Variants in SGCZ observed in about 807,000 individuals in gnomAD.
SGCZ encodes zeta-sarcoglycan.
Under a neutral mutation model 41.3 loss-of-function variants are expected in SGCZ, and 40 were observed. The observed-to-expected ratio is 0.97, with a 90% confidence interval of 0.75 to 1.26. The LOEUF is 1.26. Ranked by LOEUF, SGCZ falls within the 50% of genes most tolerant of loss-of-function variation. The pLI, the probability that SGCZ is intolerant of heterozygous loss-of-function variation, is 0.00. For synonymous variants in SGCZ, 206 were observed against 137.5 expected (o/e 1.50, Z -3.49); for missense variants, 552 against 369.8 (o/e 1.49, Z -4.04).
intron 4 of SGCZ, among the ~76,000 whole-genome samples, chr8:14,231,267 G>A (rs188154586): frequency 1.0e-3 from 158 of 151,380 alleles, no homozygotes; most frequent in African/African-American, 3.5e-3. Context: ...GAGAGAGAGA[G>A]ACAGAGACAG....
chr8:14,273,892 T>TA (rs1423404799), intron 3 of SGCZ, among the ~76,000 whole-genome samples: 1 of 152,140 alleles, frequency 6.6e-6, no homozygotes, highest in Non-Finnish European at 1.5e-5. Flanking sequence ...CTGAAAGAGG[T>TA]AAAAAATGTT....
chr8:15,172,766 G>A (rs748107812), intron 1 of SGCZ, among the ~76,000 whole-genome samples: 9 of 152,040 alleles, frequency 5.9e-5, no homozygotes, highest in Non-Finnish European at 1.0e-4. Context: ...GCGCTTTACT[G>A]CTTCAGACAT....
At chr8:14,904,368 CA>C (rs1379527322) in intron 1 of SGCZ, among the ~76,000 whole-genome samples, 18 of 151,730 alleles carry the variant, frequency 1.2e-4, no homozygotes, top group African/African-American at 3.6e-4. Context: ...CAATCCTTTC[CA>C]AAAAAGATTA....
chr8:14,100,590 T>G (rs1485061782), intron 7 of SGCZ, among the ~76,000 whole-genome samples: 1 of 138,466 alleles, frequency 7.2e-6, no homozygotes, highest in African/African-American at 2.8e-5. Context: ...AAATAATATA[T>G]TATATTTTAT....
intron 1 of SGCZ, among the ~76,000 whole-genome samples, chr8:14,624,562 T>TA: frequency 9.2e-6 from 1 of 108,618 alleles, no homozygotes; most frequent in African/African-American, 3.4e-5. Context: ...ATTATTTTTT[T>TA]TTTTTTTTTT....
intron 1 of SGCZ, among the ~76,000 whole-genome samples, chr8:14,605,460 T>C (rs1045563648): frequency 1.3e-5 from 2 of 152,164 alleles, no homozygotes; most frequent in African/African-American, 4.8e-5. Flanking sequence ...AAATTAGTAT[T>C]GACTATAGCC....
intron 3 of SGCZ, among the ~76,000 whole-genome samples, chr8:14,254,965 C>G (rs534634721): frequency 3.9e-5 from 6 of 152,040 alleles, no homozygotes; most frequent in Non-Finnish European, 8.8e-5. Context: ...GAACTAGATT[C>G]AGAAAAATCA....
chr8:14,772,409 T>G (rs182010258), intron 1 of SGCZ, among the ~76,000 whole-genome samples: 35 of 151,884 alleles, frequency 2.3e-4, no homozygotes, highest in African/African-American at 8.0e-4. Context: ...AAATAACACA[T>G]ATGACTCTTA....
chr8:15,088,891 G>T (rs1268358630), intron 1 of SGCZ, among the ~76,000 whole-genome samples: 1 of 152,092 alleles, frequency 6.6e-6, no homozygotes, highest in African/African-American at 2.4e-5. Context: ...TTTCCTTTTA[G>T]AAATTATAGG....
intron 2 of SGCZ, among the ~76,000 whole-genome samples, chr8:14,533,979 C>T (rs1803216357): frequency 6.6e-6 from 1 of 151,886 alleles, no homozygotes; most frequent in Non-Finnish European, 1.5e-5. Flanking sequence ...TGACGTGACA[C>T]AGCAGCAAGG....
intron 1 of SGCZ, among the ~76,000 whole-genome samples, chr8:14,740,688 G>C (rs1037418373): frequency 5.9e-5 from 9 of 151,964 alleles, no homozygotes; most frequent in African/African-American, 1.7e-4. Flanking sequence ...GATTGCTGGA[G>C]TGCTTATGCC....
intron 4 of SGCZ, among the ~76,000 whole-genome samples, chr8:14,223,961 T>C (rs542003605): frequency 4.9e-4 from 75 of 152,270 alleles, no homozygotes; most frequent in African/African-American, 1.6e-3. Flanking sequence ...AGTACATAGA[T>C]ATTATTAAAA....
intron 2 of SGCZ, among the ~76,000 whole-genome samples, chr8:14,462,657 C>T (rs891277686): frequency 6.6e-5 from 10 of 151,982 alleles, no homozygotes; most frequent in Admixed American, 2.0e-4. Flanking sequence ...AGTATGAACG[C>T]TTCCACTTTG....
At chr8:14,982,972 C>A (rs908531270) in intron 1 of SGCZ, among the ~76,000 whole-genome samples, 1 of 152,174 alleles carries the variant, frequency 6.6e-6, no homozygotes, top group African/African-American at 2.4e-5. Flanking sequence ...CCCAATTTAG[C>A]CACCTATTAG....
intron 1 of SGCZ, among the ~76,000 whole-genome samples, chr8:15,096,363 T>C (rs969162711): frequency 2.6e-5 from 4 of 152,024 alleles, no homozygotes; most frequent in Non-Finnish European, 5.9e-5. Context: ...GCTGAGATGA[T>C]AGGAATGATC....
chr8:14,784,644 A>C (rs897912299), intron 1 of SGCZ, among the ~76,000 whole-genome samples: 3 of 151,752 alleles, frequency 2.0e-5, no homozygotes, highest in African/African-American at 7.2e-5. Context: ...CTTGTAATCT[A>C]AGCACTTTGG....
At chr8:14,137,409 C>A (rs1307128955) in intron 5 of SGCZ, among the ~76,000 whole-genome samples, 1 of 152,134 alleles carries the variant, frequency 6.6e-6, no homozygotes, top group Non-Finnish European at 1.5e-5. Flanking sequence ...TCAAACCCAT[C>A]ACAAAGAAGC....
At chr8:15,211,848 T>C (rs950696903) in intron 1 of SGCZ, among the ~76,000 whole-genome samples, 1 of 152,134 alleles carries the variant, frequency 6.6e-6, no homozygotes, top group Non-Finnish European at 1.5e-5. Context: ...TTCCATTTTG[T>C]AAATAACTGG....
chr8:14,998,545 C>A (rs987199258), intron 1 of SGCZ, among the ~76,000 whole-genome samples: 4 of 152,124 alleles, frequency 2.6e-5, no homozygotes, highest in Non-Finnish European at 5.9e-5. Flanking sequence ...AGAATCAATC[C>A]CATTTACCAT....
Sources: allele counts gnomAD v4.1 joint callset (sites outside exome capture counted in the v4.1 genomes callset), GRCh38; gene constraint gnomAD v4.1.1; transcripts MANE v1.5; gene names NCBI Gene and HGNC (gene_info 2026-07-23, HGNC 2026-07-21).